The following XKR4 variants were observed in gnomAD, a reference collection of about 807,000 sequenced individuals.
The protein encoded by XKR4 is XK-related protein 4.
In XKR4, 12 loss-of-function variants were observed where a neutral mutation model predicts 53.9. The observed-to-expected ratio is 0.22, with a 90% CI of 0.14 to 0.36. The LOEUF is 0.36. XKR4 is among the 10% of genes least tolerant of loss of function. XKR4 has a pLI of 1.00. For synonymous variants in XKR4, 354 were observed against 362.4 expected (o/e 0.98, Z 0.26); for missense variants, 799 against 859.5 (o/e 0.93, Z 0.88).
intron 2 of XKR4, among the ~76,000 whole-genome samples, chr8:55,406,897 G>A (rs1390829984): frequency 6.6e-6 from 1 of 152,156 alleles, no homozygotes; most frequent in African/African-American, 2.4e-5. Flanking sequence ...AGGAAGACAG[G>A]GAATCATTAT....
intron 1 of XKR4, among the ~76,000 whole-genome samples, chr8:55,158,296 T>A (rs1174766647): frequency 6.6e-6 from 1 of 152,232 alleles, no homozygotes; most frequent in Non-Finnish European, 1.5e-5. Flanking sequence ...CTAGTGTGTA[T>A]GTCTTCTTCT....
At chr8:55,462,701 C>T (rs530410396) in intron 2 of XKR4, among the ~76,000 whole-genome samples, 5 of 152,126 alleles carry the variant, frequency 3.3e-5, no homozygotes, top group African/African-American at 1.2e-4. Context: ...AGAGTCAAGA[C>T]CCATCGGTGT....
chr8:55,178,491 ATAAC>A (rs1817262725), intron 1 of XKR4, among the ~76,000 whole-genome samples: 1 of 152,218 alleles, frequency 6.6e-6, no homozygotes, highest in Admixed American at 6.5e-5. Flanking sequence ...GTTTTCTATA[ATAAC>A]TATTATTACT....
rs147173299 is a variant in XKR4, at chr8:55,382,212, G to A, written c.1006+24335G>A. Among the ~76,000 whole-genome samples the A allele has an allele frequency of 8.0e-3, 1,225 of 152,282 alleles. 15 individuals are homozygous for A. The highest frequency in any genetic ancestry group is 0.028 in the African/African-American group (1,143 of 41,538). ...ATCTTAGTAGAAGAACTTAAACTATGACTTGTATTCAAGTCTAACAGGAAT... is the reference window on the plus strand; with the variant it reads ...ATCTTAGTAGAAGAACTTAAACTATAACTTGTATTCAAGTCTAACAGGAAT... On this transcript the variant is annotated intron_variant, in intron 2 of 2. Transcript: ENST00000327381.
rs71256534 is a variant in XKR4 at position 55,396,399 on chromosome 8, G to GTTTTTTTTTT, written c.1006+38532_1006+38541dup. 6.3e-3 allele frequency among the ~76,000 whole-genome samples: 558 copies of GTTTTTTTTTT among 88,708 alleles called. 43 individuals are homozygous for GTTTTTTTTTT. Among genetic ancestry groups the GTTTTTTTTTT allele is most frequent in the African/African-American group, 0.011 (232 of 20,320 alleles). 58.2% of individuals were successfully genotyped at this position (88,708 alleles called of 152,430 possible). On this transcript the variant is annotated intron_variant, in intron 2 of 2. Coordinates refer to ENST00000327381, the MANE Select transcript of XKR4 (RefSeq NM_052898.2). Reference sequence around the variant, plus strand: ...TTTTTTTGTGTTTTTTTTTTGTTTGGTTTTTTTTTTTTTTTTTTTGCAGAG... The same window carrying GTTTTTTTTTT: ...TTTTTTTGTGTTTTTTTTTTGTTTGGTTTTTTTTTTTTTTTTTTTTTTTTTTTTTGCAGAG...
At chr8:55,511,570 A>T (rs1806626538) in intron 2 of XKR4, among the ~76,000 whole-genome samples, 1 of 152,162 alleles carries the variant, frequency 6.6e-6, no homozygotes, top group Non-Finnish European at 1.5e-5. Context: ...TACACAATTC[A>T]GGAAAATCCT....
chr8:55,284,450 G>A (rs112403380), intron 1 of XKR4, among the ~76,000 whole-genome samples: 202 of 152,124 alleles, frequency 1.3e-3, no homozygotes, highest in African/African-American at 4.7e-3. Flanking sequence ...TGGGGTTGGA[G>A]GATACCCTTC....
At chr8:55,374,062 G>C (rs1412374448) in intron 2 of XKR4, among the ~76,000 whole-genome samples, 1 of 152,220 alleles carries the variant, frequency 6.6e-6, no homozygotes, top group African/African-American at 2.4e-5. Context: ...ATGTGAACTT[G>C]ATCCTGAAAC....
chr8:55,428,408 A>G (rs1231800393), intron 2 of XKR4, among the ~76,000 whole-genome samples: 1 of 152,220 alleles, frequency 6.6e-6, no homozygotes, highest in African/African-American at 2.4e-5. Flanking sequence ...GAGACATCCC[A>G]GCAAGACAGT....
chr8:55,186,436 A>C (rs955803040), intron 1 of XKR4, among the ~76,000 whole-genome samples: 12 of 152,284 alleles, frequency 7.9e-5, no homozygotes, highest in South Asian at 6.2e-4. Context: ...AGGGCGGATC[A>C]CGAGGTCAGG....
chr8:55,396,853 A>G (rs1804526687), intron 2 of XKR4, among the ~76,000 whole-genome samples: 2 of 152,220 alleles, frequency 1.3e-5, no homozygotes, highest in African/African-American at 4.8e-5. Context: ...GGATTTTCCA[A>G]CTATTGTAAT....
intron 1 of XKR4, among the ~76,000 whole-genome samples, chr8:55,205,587 G>C (rs1033913266): frequency 6.6e-6 from 1 of 152,172 alleles, no homozygotes; most frequent in Non-Finnish European, 1.5e-5. Context: ...AATTATTAGT[G>C]AAAAATGTGA....
chr8:55,215,409 G>A (rs1817785658), intron 1 of XKR4, among the ~76,000 whole-genome samples: 1 of 152,122 alleles, frequency 6.6e-6, no homozygotes, highest in Non-Finnish European at 1.5e-5. Context: ...TTCATTATAT[G>A]GTAAGAAACT....
chr8:55,508,168 C>T (rs1018232527), intron 2 of XKR4, among the ~76,000 whole-genome samples: 1 of 151,954 alleles, frequency 6.6e-6, no homozygotes, highest in African/African-American at 2.4e-5. Flanking sequence ...TACTTCTGTC[C>T]TATTAGGGAC....
intron 1 of XKR4, among the ~76,000 whole-genome samples, chr8:55,248,987 G>A (rs1818329507): frequency 6.6e-6 from 1 of 152,098 alleles, no homozygotes; most frequent in African/African-American, 2.4e-5. Flanking sequence ...TCCTTTGGCA[G>A]AATTTCTCTC....
At chr8:55,454,520 C>T (rs757020001) in intron 2 of XKR4, 30 of 1,339,342 alleles carry the variant, frequency 2.2e-5, no homozygotes, top group African/African-American at 1.2e-4. Flanking sequence ...GCCCAGCTGG[C>T]GGAAGAGCAG....
intron 1 of XKR4, among the ~76,000 whole-genome samples, chr8:55,238,880 A>T (rs933893216): frequency 2.0e-5 from 3 of 152,238 alleles, no homozygotes; most frequent in African/African-American, 7.2e-5. Context: ...TGAATAATTT[A>T]TCTAGGTTCA....
In XKR4 at chr8:55,235,822, C is replaced by G. The variant is rs1818112902; in HGVS notation, c.807-121856C>G. Among the ~76,000 whole-genome samples the G allele has an allele frequency of 3.9e-5, 6 of 152,286 alleles. No individual in the cohort carries two copies. The South Asian group carries it at 1.2e-3, about 32-fold the overall frequency. On this transcript the variant is annotated intron_variant, in intron 1 of 2. Transcript: ENST00000327381. ...AATCTGTCAAAAAAGCCCATGACTG[C>G]TGGGTGCCAAGTTACAAATTGGCAA...
chr8:55,149,479 G>T (rs532509897), intron 1 of XKR4, among the ~76,000 whole-genome samples: 25 of 152,290 alleles, frequency 1.6e-4, no homozygotes, highest in South Asian at 6.2e-4. Context: ...AAAGAAGTGG[G>T]CCTGGATGGG....
Sources: gnomAD v4.1 joint callset for allele counts (sites outside exome capture counted in the v4.1 genomes callset) on GRCh38, gnomAD v4.1.1 for gene constraint, MANE v1.5 for transcripts, NCBI Gene and HGNC (gene_info 2026-07-23, HGNC 2026-07-21) for gene names.